PTPRD: variants seen among roughly 807,000 people sequenced by gnomAD.
PTPRD encodes the protein protein tyrosine phosphatase receptor type D.
Under a neutral mutation model 214.5 loss-of-function variants are expected in PTPRD, and 34 were observed. The ratio of observed to expected loss-of-function variants is 0.16; its 90% CI spans 0.12 to 0.21. PTPRD has a LOEUF of 0.21. Ranked by LOEUF, PTPRD falls within the 10% of genes least tolerant of loss-of-function variation. The pLI, the probability that PTPRD is intolerant of heterozygous loss-of-function variation, is 1.00. For missense variants in PTPRD, 2,545 were observed against 2,398.7 expected, an observed-to-expected ratio of 1.06 and a Z score of -1.27; for synonymous variants, 1,128 against 845.7, an observed-to-expected ratio of 1.33 and a Z score of -5.79.
At chr9:10,073,388 T>C (rs962144145) in intron 3 of PTPRD, among the ~76,000 whole-genome samples, 8 of 152,066 alleles carry the variant, frequency 5.3e-5, no homozygotes, top group African/African-American at 1.9e-4. Flanking sequence ...ATAAATACTA[T>C]ACTATAGTTG....
At chr9:10,407,741 C>G (rs982685447) in intron 2 of PTPRD, among the ~76,000 whole-genome samples, 2 of 151,418 alleles carry the variant, frequency 1.3e-5, no homozygotes, top group Non-Finnish European at 3.0e-5. Flanking sequence ...AATGATTTTT[C>G]TAATAAAATG....
chr9:9,569,489 T>G (rs1563754189), intron 8 of PTPRD, among the ~76,000 whole-genome samples: 1 of 151,762 alleles, frequency 6.6e-6, no homozygotes, highest in Non-Finnish European at 1.5e-5. Flanking sequence ...TCCATTTTAT[T>G]GCTACCAGAA....
chr9:10,143,723 C>A (rs974354873), intron 3 of PTPRD, among the ~76,000 whole-genome samples: 8 of 151,970 alleles, frequency 5.3e-5, no homozygotes, highest in African/African-American at 1.9e-4. Context: ...CACTATGCAG[C>A]CATAAAAAAA....
chr9:9,760,945 A>G (rs1158975905), intron 6 of PTPRD, among the ~76,000 whole-genome samples: 1 of 152,220 alleles, frequency 6.6e-6, no homozygotes. Flanking sequence ...CTCATACATC[A>G]CTGCTAGGAA....
At chr9:10,235,431 A>T (rs146003749) in intron 3 of PTPRD, among the ~76,000 whole-genome samples, 45 of 152,108 alleles carry the variant, frequency 3.0e-4, no homozygotes, top group African/African-American at 1.0e-3. Context: ...GCTAAAGAGT[A>T]TAGCTAGCTG....
chr9:8,934,421 G>GTGTA (rs1306403766), intron 11 of PTPRD, among the ~76,000 whole-genome samples: 2 of 27,332 alleles, frequency 7.3e-5, no homozygotes, highest in African/African-American at 1.9e-4. Flanking sequence ...GTGTGTGTGT[G>GTGTA]TATATATATA....
intron 11 of PTPRD, among the ~76,000 whole-genome samples, chr9:8,767,844 C>A (rs537405787): frequency 1.3e-5 from 2 of 151,998 alleles, no homozygotes; most frequent in East Asian, 3.9e-4. Flanking sequence ...TCAGTATGGT[C>A]TCATTTAAGT....
At chr9:10,258,036 G>C (rs2093415010) in intron 3 of PTPRD, among the ~76,000 whole-genome samples, 1 of 152,142 alleles carries the variant, frequency 6.6e-6, no homozygotes, top group Non-Finnish European at 1.5e-5. Flanking sequence ...GGGCAGGAAG[G>C]TGGTGGAGAG....
chr9:8,920,535 G>A (rs923248297), intron 11 of PTPRD, among the ~76,000 whole-genome samples: 1 of 152,070 alleles, frequency 6.6e-6, no homozygotes, highest in Non-Finnish European at 1.5e-5. Flanking sequence ...AAGAAGAATT[G>A]TCTTGGGTCA....
At chr9:10,376,027 T>C (rs1369138494) in intron 2 of PTPRD, among the ~76,000 whole-genome samples, 2 of 151,998 alleles carry the variant, frequency 1.3e-5, no homozygotes, top group East Asian at 1.9e-4. Context: ...TCACACGATA[T>C]TTTTATCAAA....
intron 11 of PTPRD, among the ~76,000 whole-genome samples, chr9:8,752,266 T>TA (rs1421673785): frequency 1.3e-5 from 2 of 152,110 alleles, no homozygotes; most frequent in African/African-American, 4.8e-5. Flanking sequence ...AGAAGCCTGC[T>TA]AAAACCCACC....
intron 5 of PTPRD, among the ~76,000 whole-genome samples, chr9:9,902,836 T>C (rs1285027947): frequency 6.6e-6 from 1 of 152,132 alleles, no homozygotes; most frequent in Non-Finnish European, 1.5e-5. Flanking sequence ...GTAGTATGAA[T>C]TGCGTTTGGA....
intron 2 of PTPRD, among the ~76,000 whole-genome samples, chr9:10,452,872 T>G (rs2130902597): frequency 6.6e-6 from 1 of 151,882 alleles, no homozygotes. Flanking sequence ...TCTCCGTTTT[T>G]GGAATCAGAT....
chr9:8,476,755 A>C (rs186293360), intron 30 of PTPRD, among the ~76,000 whole-genome samples: 1 of 152,300 alleles, frequency 6.6e-6, no homozygotes, highest in East Asian at 1.9e-4. Flanking sequence ...TCATGGAATT[A>C]TTCTTCCACT....
chr9:8,316,628 T>A lies in PTPRD; in HGVS notation c.*1246A>T, dbSNP rs1401737435. 2 of 230,718 alleles carry A rather than the reference T, an allele frequency of 8.7e-6. No individual in the cohort carries two copies. The highest frequency in any genetic ancestry group is 5.7e-5 in the Admixed American group (1 of 17,648). The allele number at this position is 230,718 out of a possible 1,614,324, so 14.3% of individuals were successfully genotyped here. On this transcript the variant is annotated 3_prime_UTR_variant, in exon 46 of 46. Transcript: ENST00000381196. ...CACCTCTTAGCTATTTAATAATAATTTTTATTGCACTAGAGTGTTAGAAAT... is the reference window on the plus strand; with the variant it reads ...CACCTCTTAGCTATTTAATAATAATATTTATTGCACTAGAGTGTTAGAAAT...
intron 3 of PTPRD, among the ~76,000 whole-genome samples, chr9:10,124,414 T>C (rs1330358911): frequency 1.3e-5 from 2 of 152,216 alleles, no homozygotes; most frequent in South Asian, 2.1e-4. Context: ...AAGAATATAA[T>C]ACAACACACC....
intron 3 of PTPRD, among the ~76,000 whole-genome samples, chr9:10,056,116 T>G (rs2097641742): frequency 6.6e-6 from 1 of 151,480 alleles, no homozygotes; most frequent in African/African-American, 2.4e-5. Context: ...AGGTCAGGAG[T>G]TTGAGACCAG....
At chr9:9,064,132 T>G (rs1590873676) in intron 10 of PTPRD, among the ~76,000 whole-genome samples, 1 of 152,204 alleles carries the variant, frequency 6.6e-6, no homozygotes, top group African/African-American at 2.4e-5. Flanking sequence ...AAATAATTTA[T>G]ATAACTGAGC....
chr9:8,872,908 G>A (rs1029937744), intron 11 of PTPRD, among the ~76,000 whole-genome samples: 1 of 152,128 alleles, frequency 6.6e-6, no homozygotes, highest in Non-Finnish European at 1.5e-5. Flanking sequence ...AGTCATCATT[G>A]CATTAAGAAA....
Sources: gnomAD v4.1 joint callset for allele counts (sites outside exome capture counted in the v4.1 genomes callset) on GRCh38, gnomAD v4.1.1 for gene constraint, MANE v1.5 for transcripts, NCBI Gene and HGNC (gene_info 2026-07-23, HGNC 2026-07-21) for gene names.